XKR6: variants seen among roughly 807,000 people sequenced by gnomAD.
XKR6 encodes the protein XK related 6, also known as XK-related protein 6.
A neutral mutation model predicts 56.7 loss-of-function variants in XKR6; 22 were observed. The ratio of observed to expected loss-of-function variants is 0.39; its 90% CI spans 0.28 to 0.55. XKR6 has a LOEUF of 0.55. Among genes scored for constraint, XKR6 ranks in the 20% least tolerant of loss-of-function variants. XKR6 has a pLI of 0.66. For missense variants in XKR6, 852 were observed against 889.0 expected, an observed-to-expected ratio of 0.96 and a Z score of 0.53; for synonymous variants, 524 against 387.8, an observed-to-expected ratio of 1.35 and a Z score of -4.13.
chr8:11,184,492 T>C lies in XKR6; in HGVS notation c.764+16084A>G, dbSNP rs539586091. On this transcript the variant is annotated intron_variant, in intron 1 of 2. Transcript: ENST00000416569. ...ATGTCAGAAAATGTAACTTAACACT[T>C]GGAACTAACTGAACAGGTATTTTAA... Among the ~76,000 whole-genome samples, 194 of 151,996 alleles carry C rather than the reference T, an allele frequency of 1.3e-3. 2 individuals are homozygous for C. Among genetic ancestry groups the C allele is most frequent in the Non-Finnish European group, 2.3e-3 (159 of 68,012 alleles).
In XKR6 at chr8:11,197,307, T is replaced by C. The variant is rs140154170; in HGVS notation, c.764+3269A>G. 1.4e-3 allele frequency among the ~76,000 whole-genome samples: 210 copies of C among 152,350 alleles called. 4 individuals carry two copies. In the East Asian group the frequency reaches 0.017, roughly 12 times the overall value. On this transcript the variant is annotated intron_variant, in intron 1 of 2. Transcript: ENST00000416569. ...TTTTGGTCAAAGAACTGTTGCTTCTTGACTGAAGAGAACTGACAATGCACT... is the reference window on the plus strand; with the variant it reads ...TTTTGGTCAAAGAACTGTTGCTTCTCGACTGAAGAGAACTGACAATGCACT...
chr8:10,933,321 C>A (rs6992544), intron 1 of XKR6, among the ~76,000 whole-genome samples: 1 of 71,846 alleles, frequency 1.4e-5, no homozygotes, highest in Admixed American at 1.0e-4. Context: ...GAGTAGGTTG[C>A]GAAAATTTTC....
chr8:10,996,627 T>C (rs904108462), intron 1 of XKR6, among the ~76,000 whole-genome samples: 3 of 152,130 alleles, frequency 2.0e-5, no homozygotes, highest in Non-Finnish European at 4.4e-5. Context: ...TGGGAATATA[T>C]GTGAGGGGCA....
intron 1 of XKR6, among the ~76,000 whole-genome samples, chr8:10,954,962 G>A (rs144766063): frequency 2.5e-3 from 365 of 146,778 alleles, no homozygotes; most frequent in African/African-American, 8.9e-3. Flanking sequence ...TTTGCCTCCT[G>A]GGTTCAAGTG....
intron 1 of XKR6, among the ~76,000 whole-genome samples, chr8:11,171,368 G>C (rs887430223): frequency 6.6e-6 from 1 of 152,232 alleles, no homozygotes; most frequent in South Asian, 2.1e-4. Flanking sequence ...ATTAAGAGTT[G>C]CAGCTCTCAA....
At chr8:10,945,273 C>T (rs117772541) in intron 1 of XKR6, among the ~76,000 whole-genome samples, 6 of 152,294 alleles carry the variant, frequency 3.9e-5, no homozygotes, top group Non-Finnish European at 8.8e-5. Context: ...CACACGAGGT[C>T]GGGAGTTCGA....
chr8:11,195,972 A>G (rs1168775541), intron 1 of XKR6, among the ~76,000 whole-genome samples: 3 of 148,242 alleles, frequency 2.0e-5, no homozygotes, highest in Non-Finnish European at 4.5e-5. Flanking sequence ...AAAAAAAAAA[A>G]GCTATTTTTA....
intron 1 of XKR6, among the ~76,000 whole-genome samples, chr8:11,058,901 G>T (rs528333618): frequency 6.6e-5 from 10 of 152,266 alleles, no homozygotes; most frequent in Admixed American, 3.3e-4. Flanking sequence ...TTTAGAAAAC[G>T]CGAAGGTGTA....
At chr8:11,176,226 T>C (rs538460049) in intron 1 of XKR6, among the ~76,000 whole-genome samples, 2 of 152,316 alleles carry the variant, frequency 1.3e-5, no homozygotes, top group East Asian at 1.9e-4. Flanking sequence ...TCTCCTCGAA[T>C]TGGCCAACAT....
rs528323578 is a variant in XKR6 at position 11,143,262 on chromosome 8, T to A, written c.764+57314A>T. ...AAACAAACACTACTCAAAACTCTCATGAAGATCAGCAGTAGTACTGTGCCT... is the reference window on the plus strand; with the variant it reads ...AAACAAACACTACTCAAAACTCTCAAGAAGATCAGCAGTAGTACTGTGCCT... On this transcript the variant is annotated intron_variant, in intron 1 of 2. Transcript: ENST00000416569. Among the ~76,000 whole-genome samples, 3 of 152,172 alleles carry A rather than the reference T, an allele frequency of 2.0e-5. No individual in the cohort carries two copies. In the South Asian group the frequency reaches 6.2e-4, roughly 31 times the overall value.
At chr8:11,014,734 C>G (rs765517021) in intron 1 of XKR6, among the ~76,000 whole-genome samples, 1 of 152,164 alleles carries the variant, frequency 6.6e-6, no homozygotes, top group Non-Finnish European at 1.5e-5. Flanking sequence ...TCATAAGACC[C>G]AGAAGACCGT....
intron 1 of XKR6, among the ~76,000 whole-genome samples, chr8:11,148,782 C>G (rs1204811879): frequency 6.6e-6 from 1 of 152,144 alleles, no homozygotes; most frequent in Admixed American, 6.5e-5. Flanking sequence ...CACAAGTATC[C>G]ATTAGCAGAT....
At chr8:11,187,161 G>C (rs904947617) in intron 1 of XKR6, among the ~76,000 whole-genome samples, 11 of 152,144 alleles carry the variant, frequency 7.2e-5, no homozygotes, top group Non-Finnish European at 1.5e-5. Context: ...CCTGCTTCAT[G>C]TGTGTTGTTC....
intron 1 of XKR6, among the ~76,000 whole-genome samples, chr8:10,947,111 G>A (rs1184838004): frequency 6.6e-6 from 1 of 152,180 alleles, no homozygotes; most frequent in East Asian, 1.9e-4. Flanking sequence ...AGACGGGTTG[G>A]AGCGGAAGAC....
At chr8:10,931,643 C>A (rs977113389) in intron 1 of XKR6, among the ~76,000 whole-genome samples, 1 of 151,994 alleles carries the variant, frequency 6.6e-6, no homozygotes, top group African/African-American at 2.4e-5. Flanking sequence ...AAAGACAATT[C>A]AATGTTGATA....
chr8:11,153,210 A>G (rs566614890), intron 1 of XKR6, among the ~76,000 whole-genome samples: 34 of 152,208 alleles, frequency 2.2e-4, no homozygotes, highest in Non-Finnish European at 3.4e-4. Flanking sequence ...ACTCAATCTT[A>G]ATGGTTCCTT....
chr8:10,899,768 C>T (rs1799983725), intron 2 of XKR6, among the ~76,000 whole-genome samples: 1 of 152,202 alleles, frequency 6.6e-6, no homozygotes, highest in Non-Finnish European at 1.5e-5. Context: ...TTACTCCCTG[C>T]ATTTCCTCCC....
At chr8:10,977,585 C>T (rs971437384) in intron 1 of XKR6, among the ~76,000 whole-genome samples, 1 of 150,182 alleles carries the variant, frequency 6.7e-6, no homozygotes, top group African/African-American at 2.4e-5. Flanking sequence ...ACAGCCAGGA[C>T]AGCTGAGGCT....
chr8:10,994,184 C>T (rs1029817675), intron 1 of XKR6, among the ~76,000 whole-genome samples: 1 of 152,210 alleles, frequency 6.6e-6, no homozygotes, highest in Non-Finnish European at 1.5e-5. Context: ...TGCCAGGGGG[C>T]TCCTAAGAAC....
Sources: allele counts gnomAD v4.1 joint callset (sites outside exome capture counted in the v4.1 genomes callset), GRCh38; gene constraint gnomAD v4.1.1; transcripts MANE v1.5; gene names NCBI Gene and HGNC (gene_info 2026-07-23, HGNC 2026-07-21).